SLC6A15: variants seen among roughly 807,000 people sequenced by gnomAD.
The protein encoded by SLC6A15 is sodium-dependent neutral amino acid transporter B(0)AT2.
In SLC6A15, 33 loss-of-function variants were observed where a neutral mutation model predicts 68.5. That is an observed-to-expected ratio of 0.48 (90% CI 0.37 to 0.64). The LOEUF (loss-of-function observed/expected upper bound fraction) is 0.64. Among genes scored for constraint, SLC6A15 ranks in the 30% least tolerant of loss-of-function variants. The pLI is 0.00. For synonymous variants in SLC6A15, 347 were observed against 301.0 expected (o/e 1.15, Z -1.58); for missense variants, 747 against 874.3 (o/e 0.85, Z 1.84).
intron 9 of SLC6A15, 57 bp from the exon 10 acceptor site, chr12:84,867,250 A>G (rs1361528740): frequency 7.4e-7 from 1 of 1,360,196 alleles, no homozygotes; most frequent in Non-Finnish European, 9.8e-7. Flanking sequence ...AGGCCTTTAA[A>G]CTTTATTATA....
Position 84,876,574 on chromosome 12 carries a change from C to A in SLC6A15, c.790G>T (p.Val264Leu). The A allele has an allele frequency of 6.3e-7, 1 of 1,588,664 alleles. No individual in the cohort carries two copies. Among genetic ancestry groups the A allele is most frequent in the Non-Finnish European group, 8.6e-7 (1 of 1,167,526 alleles). The change falls in exon 6 of 12, where the codon GTA becomes TTA. Residue 264 changes from valine (V) to leucine (L), a missense_variant. Coordinates refer to ENST00000266682, the MANE Select transcript of SLC6A15 (RefSeq NM_182767.6). ...IYFSSLFPYV[V>L]LICFLIRAFL... ...GCTCTGATGAGGAAGCAAATAAGTA[C>A]CACATATGGAAACAGAGAACTAAAA... is the stretch of plus-strand genomic sequence containing the variant.
chr12:84,892,153 A>G lies in SLC6A15; in HGVS notation c.-33T>C. 1 of 1,546,128 alleles carries G rather than the reference A, an allele frequency of 6.5e-7. No individual in the cohort carries two copies. Among genetic ancestry groups the G allele is most frequent in the Admixed American group, 2.2e-5 (1 of 45,294 alleles). ...TATGCGAAGTATTTAAAAAAAAAAA[A>G]AAAAACTCCCTTATGGCAAATGTGT... On this transcript the variant is annotated 5_prime_UTR_variant, in exon 2 of 12. Transcript: ENST00000266682.
intron 8 of SLC6A15, among the ~76,000 whole-genome samples, chr12:84,872,330 T>C (rs778499455): frequency 2.6e-5 from 4 of 152,302 alleles, no homozygotes; most frequent in East Asian, 1.9e-4. Flanking sequence ...CATTCTATGA[T>C]GAAAATCACT....
At chr12:84,866,998 G>C (rs182237192) in intron 10 of SLC6A15, 36 bp downstream of exon 10, 1 of 1,439,242 alleles carries the variant, frequency 6.9e-7, no homozygotes, top group African/African-American at 1.5e-5. Flanking sequence ...TCAAACTAGA[G>C]ATTAAAAGTG....
rs765702749 is a variant in SLC6A15, at chr12:84,892,034, T to G, written c.87A>C (p.Ala29=). 3 of 1,613,948 alleles carry G rather than the reference T, an allele frequency of 1.9e-6. No individual in the cohort carries two copies. The South Asian group carries it at 3.3e-5, about 18-fold the overall frequency. Residue 29 remains alanine (A), a synonymous_variant, in exon 2 of 12, where the codon GCA becomes GCC. Transcript: ENST00000266682. ...SVKDLLSNED[A]ADDAFKTSEL... Reference sequence around the variant, plus strand: ...CACTTGTCTTAAAAGCATCATCAGCTGCGTCTTCATTGGAAAGAAGGTCTT... The same window carrying G: ...CACTTGTCTTAAAAGCATCATCAGCGGCGTCTTCATTGGAAAGAAGGTCTT...
At chr12:84,903,281 C>T (rs1565733794) in intron 1 of SLC6A15, among the ~76,000 whole-genome samples, 1 of 151,836 alleles carries the variant, frequency 6.6e-6, no homozygotes, top group East Asian at 1.9e-4. Flanking sequence ...TAAGGTATAC[C>T]TCATGTAAGT....
intron 1 of SLC6A15, among the ~76,000 whole-genome samples, chr12:84,898,972 A>C (rs1202386532): frequency 6.6e-6 from 1 of 152,204 alleles, no homozygotes; most frequent in African/African-American, 2.4e-5. Flanking sequence ...TCGGTCCTGC[A>C]CTGCAGTGAT....
chr12:84,908,220 T>C (rs1873262146), intron 1 of SLC6A15, among the ~76,000 whole-genome samples: 1 of 152,150 alleles, frequency 6.6e-6, no homozygotes, highest in African/African-American at 2.4e-5. Context: ...TCTGTGTTAT[T>C]TCTTACCAAC....
chr12:84,869,570 C>T (rs990359364), intron 9 of SLC6A15, among the ~76,000 whole-genome samples: 1 of 151,588 alleles, frequency 6.6e-6, no homozygotes, highest in African/African-American at 2.4e-5. Context: ...ACATCACTTA[C>T]CAGTATTGTT....
intron 4 of SLC6A15, among the ~76,000 whole-genome samples, chr12:84,885,114 G>A (rs567565934): frequency 1.3e-4 from 19 of 151,958 alleles, no homozygotes; most frequent in Non-Finnish European, 2.5e-4. Flanking sequence ...TCCCCTTTCT[G>A]TTAGTTTTAA....
At chr12:84,872,560 G>A (rs757955539) in intron 8 of SLC6A15, 42 bp downstream of exon 8, 1 of 1,533,892 alleles carries the variant, frequency 6.5e-7, no homozygotes, top group East Asian at 2.3e-5. Flanking sequence ...CATATTTCAA[G>A]TGAATGATAA....
chr12:84,898,306 C>T (rs1872714884), intron 1 of SLC6A15, among the ~76,000 whole-genome samples: 1 of 152,162 alleles, frequency 6.6e-6, no homozygotes, highest in Admixed American at 6.5e-5. Context: ...TACCACTGCA[C>T]TCCAGCCTGG....
intron 11 of SLC6A15, among the ~76,000 whole-genome samples, chr12:84,863,051 A>G (rs1296568207): frequency 6.6e-6 from 1 of 152,128 alleles, no homozygotes; most frequent in Non-Finnish European, 1.5e-5. Flanking sequence ...TTGGCCTCCA[A>G]AAGTGTTGGG....
chr12:84,861,403 T>C lies in SLC6A15; in HGVS notation c.*229A>G. The C allele has an allele frequency of 2.5e-6, 1 of 407,828 alleles. No homozygotes were observed. The highest frequency in any genetic ancestry group is 4.3e-6 in the Non-Finnish European group (1 of 233,360). 25.3% of individuals were successfully genotyped at this position (407,828 alleles called of 1,614,324 possible). On this transcript the variant is annotated 3_prime_UTR_variant, in exon 12 of 12. Coordinates refer to ENST00000266682, the MANE Select transcript of SLC6A15 (RefSeq NM_182767.6). ...ACTTAAAAAAAAATCCTGGCAAACA[T>C]GTACCTCAGCCCTCCTAAGATTTGT...
Position 84,861,682 on chromosome 12 carries a change from C to T in SLC6A15, c.2143G>A (p.Gly715Arg), listed in dbSNP as rs758445246. ...DTAPNGRYGI[G>R]YLMADIMPDM... is the part of the protein sequence containing the mutation. ...GGCATAATATCTGCCATCAAGTACC[C>T]TATTCCATACCGTCCATTGGGAGCA... Residue 715 changes from glycine to arginine, a missense_variant, in exon 12 of 12, where the codon GGG (glycine) becomes AGG (arginine). Gly to Arg is a moderately radical substitution (Grantham distance 125). Coordinates refer to ENST00000266682, the MANE Select transcript of SLC6A15 (RefSeq NM_182767.6). 6.2e-7 allele frequency: 1 copy of T among 1,613,280 alleles called. No individual in the cohort carries two copies. Among genetic ancestry groups the T allele is most frequent in the East Asian group, 2.2e-5 (1 of 44,866 alleles).
chr12:84,872,960 A>G (rs1871353202), intron 7 of SLC6A15, 127 bp downstream of exon 7: 2 of 1,284,430 alleles, frequency 1.6e-6, no homozygotes, highest in Non-Finnish European at 2.1e-6. Flanking sequence ...TGACCATTAT[A>G]CATTGTATGT....
At chr12:84,906,573 G>T (rs1167290083) in intron 1 of SLC6A15, among the ~76,000 whole-genome samples, 5 of 152,188 alleles carry the variant, frequency 3.3e-5, no homozygotes, top group Admixed American at 2.6e-4. Context: ...TGAGGTTGGT[G>T]AAAGGATAGA....
At chr12:84,900,078 C>A (rs921577508) in intron 1 of SLC6A15, among the ~76,000 whole-genome samples, 1 of 152,032 alleles carries the variant, frequency 6.6e-6, no homozygotes, top group Admixed American at 6.6e-5. Flanking sequence ...ATTTGGGGAA[C>A]ACTGATATCT....
chr12:84,902,866 C>T (rs77625924), intron 1 of SLC6A15, among the ~76,000 whole-genome samples: 6,278 of 151,984 alleles, frequency 0.041, 407 homozygotes, highest in African/African-American at 0.14. Flanking sequence ...AATGGGTGTG[C>T]TTATAAAAGA....
Sources: allele counts gnomAD v4.1 joint callset (sites outside exome capture counted in the v4.1 genomes callset), GRCh38; gene constraint gnomAD v4.1.1; transcripts MANE v1.5; gene names NCBI Gene and HGNC (gene_info 2026-07-23, HGNC 2026-07-21).